Variants in TRMT44 observed in about 807,000 individuals in gnomAD.
The protein encoded by TRMT44 is tRNA methyltransferase 44 homolog.
TRMT44 carries 78 observed loss-of-function variants against 77.3 expected under a neutral mutation model. That is an observed-to-expected ratio of 1.01 (90% confidence interval 0.84 to 1.22). The LOEUF is 1.22. Ranked by LOEUF, TRMT44 falls within the 50% of genes most tolerant of loss-of-function variation. The probability of loss-of-function intolerance (pLI) is 0.00; values close to 1 mark genes in which losing one functional copy is unlikely to be tolerated. For missense variants in TRMT44, 1,090 were observed against 964.4 expected (o/e 1.13, Z -1.73); for synonymous variants, 391 against 383.3 (o/e 1.02, Z -0.23).
chr4:8,515,787 TC>T, the TRMT44 span, among the ~76,000 whole-genome samples: 1 of 152,108 alleles, frequency 6.6e-6, no homozygotes, highest in Non-Finnish European at 1.5e-5. Flanking sequence ...AAACGTTCCC[TC>T]CCCAGTGCGG....
At chr4:8,505,579 G>T in the TRMT44 span, among the ~76,000 whole-genome samples, 1 of 152,222 alleles carries the variant, frequency 6.6e-6, no homozygotes, top group Admixed American at 6.5e-5. Flanking sequence ...CCTGCCCTCC[G>T]CTGCACTAGC....
rs368863933 is a variant in TRMT44 at position 8,488,341 on chromosome 4, G to A, written n.3892-4925G>A. On this transcript the variant is annotated intron_variant and non_coding_transcript_variant, in intron 2 of 2. Coordinates refer to the TRMT44 transcript ENST00000511366. Reference sequence around the variant, plus strand: ...CTGTTTATTTCACCTGGGTGCAGGTGGGCTGAGTCCAAAAGAGTCAGCGAA... The same window carrying A: ...CTGTTTATTTCACCTGGGTGCAGGTAGGCTGAGTCCAAAAGAGTCAGCGAA... 1.1e-4 allele frequency among the ~76,000 whole-genome samples: 16 copies of A among 152,298 alleles called. No individual in the cohort carries two copies. In the East Asian group the frequency reaches 2.9e-3, roughly 28 times the overall value.
In TRMT44 at chr4:8,464,184, G is replaced by T. The variant is rs975721069; in HGVS notation, c.1310+93G>T. On this transcript the variant is annotated intron_variant, in intron 7 of 10. Transcript: ENST00000389737. ...AAAGGGTAGCCACTAGCTGCGTGCA[G>T]TTGTCAAGCACTTGAAATGTGGGTA... is the stretch of plus-strand genomic sequence containing the variant. The T allele has an allele frequency of 2.7e-5, 25 of 912,900 alleles. No individual in the cohort carries two copies. The African/African-American group carries it at 3.4e-4, about 12-fold the overall frequency. 56.5% of individuals were successfully genotyped at this position (912,900 alleles called of 1,614,324 possible).
intron 6 of TRMT44, among the ~76,000 whole-genome samples, chr4:8,457,028 C>A (rs995185905): frequency 2.0e-4 from 18 of 90,068 alleles, no homozygotes; most frequent in South Asian, 8.4e-4. Context: ...CCCCCCCCCC[C>A]CAACTATCTC....
At chr4:8,516,694 T>A in the TRMT44 span, among the ~76,000 whole-genome samples, 3 of 151,742 alleles carry the variant, frequency 2.0e-5, no homozygotes, top group Non-Finnish European at 4.4e-5. Context: ...GGCAGAAGAG[T>A]CTGAGTCCAA....
rs1366112120 is a variant in TRMT44 at position 8,468,018 on chromosome 4, C to A, written c.1599C>A (p.Ser533Arg). 6.2e-7 allele frequency: 1 copy of A among 1,614,040 alleles called. No individual in the cohort carries two copies. The highest frequency in any genetic ancestry group is 1.3e-5 in the African/African-American group (1 of 75,072). The change falls in exon 9 of 11, where the codon AGC (serine) becomes AGA (arginine). Residue 533 changes from serine (S) to arginine (R), a missense_variant. Transcript: ENST00000389737. ...AGAGCAGGCGGGGCTGCCCTGTAAG[C>A]CCACCTGGCTGGGAGCTTTCCCCTT... Reference protein sequence around the residue: ...YIKSRRGCPVSPPGWELSPSP... With the variant: ...YIKSRRGCPVRPPGWELSPSP...
At chr4:8,491,048 T>G (rs1318611771) in intron 2 of TRMT44, among the ~76,000 whole-genome samples, 1 of 145,934 alleles carries the variant, frequency 6.9e-6, no homozygotes, top group Non-Finnish European at 1.5e-5. Flanking sequence ...TTTACAAACC[T>G]TGAGCTAGAT....
intron 5 of TRMT44, among the ~76,000 whole-genome samples, chr4:8,454,193 G>T (rs910794653): frequency 1.3e-5 from 2 of 152,172 alleles, no homozygotes; most frequent in Non-Finnish European, 1.5e-5. Flanking sequence ...GTGCTCCCTG[G>T]GGCACTGGCC....
At chr4:8,450,442 TG>T (rs1725365514) in intron 3 of TRMT44, among the ~76,000 whole-genome samples, 1 of 149,972 alleles carries the variant, frequency 6.7e-6, no homozygotes, top group Admixed American at 6.6e-5. Flanking sequence ...AATGGAACCT[TG>T]AAAAAAAAAA....
intron 9 of TRMT44, 39 bp from the exon 10 acceptor site, chr4:8,471,045 C>T (rs1560239539): frequency 7.1e-7 from 1 of 1,411,282 alleles, no homozygotes; most frequent in Admixed American, 2.0e-5. Context: ...TAATATTTTG[C>T]TGTTGTTTTG....
chr4:8,465,578 T>C lies in TRMT44; in HGVS notation c.1494+17T>C. On this transcript the variant is annotated intron_variant, in intron 8 of 10. Transcript: ENST00000389737. ...ACCAAAAGAGTATGTCTGATTCTCA[T>C]GTTGTTCTAGGCGGTGTGTCGGTGT... 1.9e-6 allele frequency: 3 copies of C among 1,605,496 alleles called. No homozygotes were observed. The highest frequency in any genetic ancestry group is 1.7e-6 in the Non-Finnish European group (2 of 1,175,032).
chr4:8,496,335 C>G (rs1460502879), downstream of TRMT44, among the ~76,000 whole-genome samples: 1 of 152,228 alleles, frequency 6.6e-6, no homozygotes, highest in Admixed American at 6.5e-5. Flanking sequence ...CAACTACCCT[C>G]ACTCAGTAAC....
At chr4:8,465,700 G>A (rs2109154390) in intron 8 of TRMT44, 139 bp downstream of exon 8, 2 of 766,004 alleles carry the variant, frequency 2.6e-6, no homozygotes, top group South Asian at 2.0e-5. Context: ...CTGTGCCTCT[G>A]TCACTGATGA....
downstream of TRMT44, among the ~76,000 whole-genome samples, chr4:8,494,444 A>C (rs1406313372): frequency 6.6e-6 from 1 of 152,206 alleles, no homozygotes; most frequent in East Asian, 1.9e-4. Flanking sequence ...ATCTTAGTAG[A>C]AATGCAGGTT....
chr4:8,479,184 C>G (rs1579093205), downstream of TRMT44: 1 of 152,122 alleles, frequency 6.6e-6, no homozygotes, highest in East Asian at 1.9e-4. Context: ...GAAGAGAGTC[C>G]CAGAGGAGAA....
At chr4:8,495,071 G>C (rs1366313549), downstream of TRMT44, among the ~76,000 whole-genome samples, 1 of 152,210 alleles carries the variant, frequency 6.6e-6, no homozygotes, top group African/African-American at 2.4e-5. Flanking sequence ...TGGCTGTTTG[G>C]AACCACCTGA....
intron 2 of TRMT44, among the ~76,000 whole-genome samples, chr4:8,481,984 A>C (rs1006312267): frequency 6.6e-6 from 1 of 152,234 alleles, no homozygotes; most frequent in African/African-American, 2.4e-5. Context: ...AGGCACTATG[A>C]ACATTCCTGT....
In TRMT44 at chr4:8,444,221, C is replaced by A. The variant is rs1409174922; in HGVS notation, c.620-2255C>A. Among the ~76,000 whole-genome samples, 1 of 149,320 alleles carries A rather than the reference C, an allele frequency of 6.7e-6. No homozygotes were observed. The highest frequency in any genetic ancestry group is 2.5e-5 in the African/African-American group (1 of 40,622). ...TCACTTATTTATGGGGTTTAAAAATCAAAACAATGGAACTCGTGGACATAG... is the reference window on the plus strand; with the variant it reads ...TCACTTATTTATGGGGTTTAAAAATAAAAACAATGGAACTCGTGGACATAG... On this transcript the variant is annotated intron_variant, in intron 1 of 10. Coordinates refer to ENST00000389737, the MANE Select transcript of TRMT44 (RefSeq NM_152544.3). The surrounding 1 kb of genome is among the most constrained non-coding windows in gnomAD (Gnocchi z 4.0).
At chr4:8,515,369 C>A in the TRMT44 span, among the ~76,000 whole-genome samples, 1 of 152,208 alleles carries the variant, frequency 6.6e-6, no homozygotes, top group Non-Finnish European at 1.5e-5. Flanking sequence ...CACGGTCCAG[C>A]GAAGGGCAGC....
Sources: allele counts gnomAD v4.1 joint callset (sites outside exome capture counted in the v4.1 genomes callset), GRCh38; gene constraint gnomAD v4.1.1; non-coding constraint Gnocchi (gnomAD v3.1); transcripts MANE v1.5; gene names NCBI Gene and HGNC (gene_info 2026-07-23, HGNC 2026-07-21).